PTPRB: variants seen among roughly 807,000 people sequenced by gnomAD.
PTPRB encodes the protein receptor-type tyrosine-protein phosphatase beta.
PTPRB carries 97 observed loss-of-function variants against 238.1 expected under a neutral mutation model. That is an observed-to-expected ratio of 0.41 (90% confidence interval 0.35 to 0.48). The LOEUF (loss-of-function observed/expected upper bound fraction) is 0.48, where lower values mean the gene tolerates loss of function less well. Among genes scored for constraint, PTPRB ranks in the 20% least tolerant of loss-of-function variants. The pLI is 0.30. For synonymous variants in PTPRB, 970 were observed against 995.4 expected, an observed-to-expected ratio of 0.97 and a Z score of 0.48; for missense variants, 2,292 against 2,681.9, an observed-to-expected ratio of 0.85 and a Z score of 3.21.
chr12:70,556,922 G>A (rs915390918), intron 18 of PTPRB, among the ~76,000 whole-genome samples: 3 of 152,198 alleles, frequency 2.0e-5, no homozygotes, highest in Non-Finnish European at 4.4e-5. Flanking sequence ...TGGGGATTAT[G>A]AACAGTACAG....
intron 16 of PTPRB, among the ~76,000 whole-genome samples, chr12:70,562,596 T>A (rs1878635705): frequency 6.6e-6 from 1 of 152,162 alleles, no homozygotes. Flanking sequence ...GGAACCGCAT[T>A]CATTTTTTAC....
chr12:70,625,386 C>T (rs1260046588), intron 2 of PTPRB, among the ~76,000 whole-genome samples: 1 of 152,144 alleles, frequency 6.6e-6, no homozygotes, highest in Non-Finnish European at 1.5e-5. Context: ...GCTATTATAA[C>T]AAGTTTCTCA....
intron 21 of PTPRB, among the ~76,000 whole-genome samples, chr12:70,545,316 C>T (rs1030107511): frequency 6.6e-6 from 1 of 152,228 alleles, no homozygotes; most frequent in East Asian, 1.9e-4. Context: ...AGTCAAGTGG[C>T]CCAAATATCA....
chr12:70,629,465 T>C (rs777130281), intron 2 of PTPRB, among the ~76,000 whole-genome samples: 7 of 152,218 alleles, frequency 4.6e-5, no homozygotes, highest in Admixed American at 3.9e-4. Context: ...GGGAAATTTA[T>C]AGCACTAAAT....
In PTPRB at chr12:70,539,681, C is replaced by G. The variant is rs377764441; in HGVS notation, c.5722G>C (p.Gly1908Arg). 6.3e-7 allele frequency: 1 copy of G among 1,594,106 alleles called. No individual in the cohort carries two copies. Among genetic ancestry groups the G allele is most frequent in the Non-Finnish European group, 8.6e-7 (1 of 1,168,086 alleles). The stretch of plus-strand genomic sequence containing the variant: ...TCAGCCTGTAGCTTCATGAAATGCC[C>G]TTCAAACTGATTTATTTTTATTGGA... ...SCPIKINQFE[G>R]HFMKLQADSN... is the part of the protein sequence containing the mutation. Residue 1908 changes from glycine to arginine, a missense_variant, in exon 26 of 34, where the codon GGG (glycine) becomes CGG (arginine). Gly to Arg is a moderately radical substitution (Grantham distance 125). Transcript: ENST00000334414.
At chr12:70,527,964 G>C (rs1872653301) in intron 32 of PTPRB, among the ~76,000 whole-genome samples, 2 of 152,162 alleles carry the variant, frequency 1.3e-5, no homozygotes, top group Admixed American at 6.5e-5. Flanking sequence ...ATACTAGGTT[G>C]ATGCAAAAGT....
At chr12:70,591,639 C>T (rs1479794403) in intron 7 of PTPRB, 1 of 152,228 alleles carries the variant, frequency 6.6e-6, no homozygotes, top group Non-Finnish European at 1.5e-5. Flanking sequence ...AGGAGTTGGA[C>T]AATTTTTTCT....
At chr12:70,541,488 C>T (rs1009987789) in intron 22 of PTPRB, 1 of 152,408 alleles carries the variant, frequency 6.6e-6, no homozygotes, top group Non-Finnish European at 1.5e-5. Flanking sequence ...TAGCATGCAA[C>T]TCACCCATCT....
intron 9 of PTPRB, among the ~76,000 whole-genome samples, chr12:70,582,759 T>C (rs1881515535): frequency 6.6e-6 from 1 of 152,124 alleles, no homozygotes. Flanking sequence ...TTTTTAGATA[T>C]GACACCACAG....
At chr12:70,610,167 G>C (rs1884348180) in intron 3 of PTPRB, among the ~76,000 whole-genome samples, 1 of 152,178 alleles carries the variant, frequency 6.6e-6, no homozygotes, top group Admixed American at 6.5e-5. Context: ...GCGAGGGAGG[G>C]AGCCCCGAGG....
At chr12:70,532,895 T>G (rs541884793) in intron 31 of PTPRB, among the ~76,000 whole-genome samples, 1 of 152,304 alleles carries the variant, frequency 6.6e-6, no homozygotes, top group African/African-American at 2.4e-5. Flanking sequence ...ATCCTTCCAC[T>G]TTGGCCTCCA....
At chr12:70,534,071 A>G (rs1467907995) in intron 31 of PTPRB, among the ~76,000 whole-genome samples, 1 of 152,232 alleles carries the variant, frequency 6.6e-6, no homozygotes, top group Non-Finnish European at 1.5e-5. Flanking sequence ...AGCCATTCCA[A>G]AATGGAAGAA....
chr12:70,616,410 TTCC>T (rs2136564222), intron 3 of PTPRB, among the ~76,000 whole-genome samples: 1 of 152,338 alleles, frequency 6.6e-6, no homozygotes, highest in East Asian at 1.9e-4. Flanking sequence ...CCAACAACAC[TTCC>T]TCCTTTTTCC....
At chr12:70,551,634 A>T (rs1876894155) in intron 21 of PTPRB, among the ~76,000 whole-genome samples, 1 of 152,138 alleles carries the variant, frequency 6.6e-6, no homozygotes, top group Admixed American at 6.5e-5. Context: ...CAGAACGAAC[A>T]CTGGCCCATG....
Position 70,594,674 on chromosome 12 carries a change from G to A in PTPRB, c.1309C>T (p.Leu437=). The part of the protein sequence containing the change: ...IGISTKANSL[L]ISWSHGSGNV... ...CCAGAACCATGGGACCAGGAAATCAGGAGAGAATTGGCTTTTGTGGAAATA... is the reference window on the plus strand; with the variant it reads ...CCAGAACCATGGGACCAGGAAATCAAGAGAGAATTGGCTTTTGTGGAAATA... Residue 437 remains leucine (L), a synonymous_variant, in exon 6 of 34, where the codon CTG becomes TTG. Coordinates refer to ENST00000334414, the MANE Select transcript of PTPRB (RefSeq NM_001109754.4). The A allele has an allele frequency of 1.2e-6, 2 of 1,613,992 alleles. No homozygotes were observed. Among genetic ancestry groups the A allele is most frequent in the Non-Finnish European group, 1.7e-6 (2 of 1,179,878 alleles).
At position 70,560,347 on chromosome 12, in the gene PTPRB, C is replaced by T. The variant is rs547798184; in HGVS notation, c.4432+324G>A. 6.6e-6 allele frequency among the ~76,000 whole-genome samples: 1 copy of T among 152,208 alleles called. No homozygotes were observed. Among genetic ancestry groups the T allele is most frequent in the East Asian group, 1.9e-4 (1 of 5,176 alleles). Reference sequence around the variant, plus strand: ...TGGCACACAGACCTCTGTGTGTGCCCATGACATAAAAACAGTTAGGAAGCA... The same window carrying T: ...TGGCACACAGACCTCTGTGTGTGCCTATGACATAAAAACAGTTAGGAAGCA... On this transcript the variant is annotated intron_variant, in intron 17 of 33. Coordinates refer to ENST00000334414, the MANE Select transcript of PTPRB (RefSeq NM_001109754.4). The surrounding 1 kb of genome is among the most constrained non-coding windows in gnomAD (Gnocchi z 4.2).
chr12:70,597,287 G>A (rs570153797), intron 4 of PTPRB, among the ~76,000 whole-genome samples: 2 of 152,264 alleles, frequency 1.3e-5, no homozygotes, highest in Non-Finnish European at 2.9e-5. Context: ...AGCACCCAGA[G>A]TAAGTGGGAA....
chr12:70,539,036 T>TGTAA (rs1874628282), intron 26 of PTPRB, 22 bp from the exon 27 acceptor site: 1 of 1,562,060 alleles, frequency 6.4e-7, no homozygotes, highest in Non-Finnish European at 8.8e-7. Context: ...AATATGAGTT[T>TGTAA]GTAAGTGGAG....
In PTPRB at chr12:70,572,275, C is replaced by T. The variant is rs1432564651; in HGVS notation, c.2843-188G>A. On this transcript the variant is annotated intron_variant, in intron 11 of 33. Transcript: ENST00000334414. ...TGTTACACTATGTGGAGTGATTAAA[C>T]GGATCTTTTAACAGAAGCTGATGAA... is the stretch of plus-strand genomic sequence containing the variant. Among the ~76,000 whole-genome samples the T allele has an allele frequency of 3.9e-5, 6 of 152,104 alleles. No homozygotes were observed. In the South Asian group the frequency reaches 8.3e-4, roughly 21 times the overall value.
Sources: allele counts gnomAD v4.1 joint callset (sites outside exome capture counted in the v4.1 genomes callset), GRCh38; gene constraint gnomAD v4.1.1; non-coding constraint Gnocchi (gnomAD v3.1); transcripts MANE v1.5; gene names NCBI Gene and HGNC (gene_info 2026-07-23, HGNC 2026-07-21).